The following RNF14 variants were observed in gnomAD, a reference collection of about 807,000 sequenced individuals.
RNF14 encodes ring finger protein 14, also known as E3 ubiquitin-protein ligase RNF14.
In RNF14, 26 loss-of-function variants were observed where a neutral mutation model predicts 52.6. The ratio of observed to expected loss-of-function variants is 0.49; its 90% confidence interval spans 0.36 to 0.69. The LOEUF (loss-of-function observed/expected upper bound fraction) is 0.69, where lower values mean the gene tolerates loss of function less well. Ranked by LOEUF, RNF14 falls within the 30% of genes least tolerant of loss-of-function variation. The pLI is 0.00. For synonymous variants in RNF14, 194 were observed against 202.0 expected (o/e 0.96, Z 0.34); for missense variants, 404 against 560.4 (o/e 0.72, Z 2.82).
upstream of RNF14, chr5:141,957,368 G>T: frequency 6.2e-7 from 1 of 1,613,856 alleles, no homozygotes; most frequent in South Asian, 1.1e-5. This position sits in a 1 kb window ranked among gnomAD's most constrained non-coding sequence, Gnocchi z 4.3. Context: ...CCTGTGTCTG[G>T]GTCAAGAGCT....
At chr5:141,966,255 C>G (rs1353577759), upstream of RNF14, among the ~76,000 whole-genome samples, 1 of 152,172 alleles carries the variant, frequency 6.6e-6, no homozygotes, top group African/African-American at 2.4e-5. Context: ...CCACTGCACT[C>G]TAGCCTGGGT....
intron 8 of RNF14, among the ~76,000 whole-genome samples, chr5:141,986,455 G>A (rs252103): frequency 0.98 from 149,701 of 152,344 alleles, 73,576 homozygotes; most frequent in East Asian, 1. Flanking sequence ...TGAGCATGTA[G>A]TAGTAATAAT....
At chr5:141,958,167 C>T, upstream of RNF14, 1 of 323,308 alleles carries the variant, frequency 3.1e-6, no homozygotes, top group Non-Finnish European at 5.7e-6. Flanking sequence ...CCCAGTTGAG[C>T]AGGATGTGGG....
At chr5:141,971,985 T>A (rs1432090347) in intron 2 of RNF14, among the ~76,000 whole-genome samples, 2 of 152,178 alleles carry the variant, frequency 1.3e-5, no homozygotes, top group Non-Finnish European at 2.9e-5. Context: ...AAAATAATGG[T>A]AAATCTTTCT....
the RNF14 span, chr5:141,952,558 AG>A: frequency 6.6e-6 from 1 of 152,234 alleles, no homozygotes. Context: ...AGAATGGAGT[AG>A]GGGATGGGTG....
intron 2 of RNF14, among the ~76,000 whole-genome samples, chr5:141,972,236 A>ATT (rs5871798): frequency 0.024 from 3,558 of 149,038 alleles, 65 homozygotes; most frequent in Admixed American, 0.035. Context: ...ATTTGGAGAT[A>ATT]TTTTTTTTTT....
At chr5:141,987,186 G>A (rs1282305746) in intron 8 of RNF14, among the ~76,000 whole-genome samples, 1 of 152,134 alleles carries the variant, frequency 6.6e-6, no homozygotes, top group Admixed American at 6.6e-5. Flanking sequence ...TGAGGGAGGG[G>A]GGTATGACCA....
intron 7 of RNF14, among the ~76,000 whole-genome samples, chr5:141,984,366 G>A (rs1324909922): frequency 6.6e-6 from 1 of 152,096 alleles, no homozygotes; most frequent in African/African-American, 2.4e-5. Flanking sequence ...CCAAAGTGCT[G>A]GGATTACAGG....
At position 141,987,901 on chromosome 5, in the gene RNF14, T is replaced by C. The variant is rs1465650456; in HGVS notation, c.*111T>C. 5.2e-6 allele frequency: 5 copies of C among 964,582 alleles called. No homozygotes were observed. In the African/African-American group the frequency reaches 8.1e-5, roughly 16 times the overall value. The allele number at this position is 964,582 out of a possible 1,614,324, so 59.8% of individuals were successfully genotyped here. On this transcript the variant is annotated 3_prime_UTR_variant, in exon 9 of 9. Transcript: ENST00000394520. The stretch of plus-strand genomic sequence containing the variant: ...GTACTATTCATTCACTCTTCCTGCG[T>C]AGAAGATATGGAAGAACGAGGTTTA...
chr5:141,949,822 G>C, the RNF14 span, among the ~76,000 whole-genome samples: 1 of 152,308 alleles, frequency 6.6e-6, no homozygotes, highest in East Asian at 1.9e-4. Flanking sequence ...GGTAAAATGA[G>C]ACGTTGTAGG....
intron 2 of RNF14, among the ~76,000 whole-genome samples, chr5:141,972,797 G>T (rs781640696): frequency 2.0e-5 from 3 of 152,046 alleles, no homozygotes; most frequent in Non-Finnish European, 2.9e-5. Flanking sequence ...CACCACGTTG[G>T]CCAGGCTGGT....
chr5:141,983,297 G>A, intron 6 of RNF14, 83 bp from the exon 7 acceptor site: 1 of 1,086,424 alleles, frequency 9.2e-7, no homozygotes, highest in South Asian at 1.4e-5. Flanking sequence ...TTATTGAATA[G>A]TCGAAGATTA....
chr5:141,954,887 G>A, upstream of RNF14: 1 of 1,488,700 alleles, frequency 6.7e-7, no homozygotes, highest in Non-Finnish European at 9.0e-7. Context: ...AGAAACATGA[G>A]GACTGTGCAG....
chr5:141,974,166 C>T (rs1352862226), intron 3 of RNF14, among the ~76,000 whole-genome samples: 1 of 152,186 alleles, frequency 6.6e-6, no homozygotes, highest in Admixed American at 6.5e-5. Flanking sequence ...TGACCTTTTG[C>T]TTCAGAAAAA....
chr5:141,954,983 G>T, upstream of RNF14: 1 of 1,612,060 alleles, frequency 6.2e-7, no homozygotes, highest in South Asian at 1.1e-5. Context: ...TGAACAGGAG[G>T]AGAATCCACA....
chr5:141,970,109 G>A (rs532712130), intron 1 of RNF14, among the ~76,000 whole-genome samples: 1 of 152,240 alleles, frequency 6.6e-6, no homozygotes, highest in East Asian at 1.9e-4. Context: ...TAGTATTTTT[G>A]CATATAATTT....
At chr5:141,961,220 GTGTC>G (rs1362567587) in intron 1 of RNF14, among the ~76,000 whole-genome samples, 1 of 152,186 alleles carries the variant, frequency 6.6e-6, no homozygotes, top group Non-Finnish European at 1.5e-5. Context: ...GTGTGTGTGT[GTGTC>G]TGTGTTTTGA....
At chr5:141,974,673 TAGAA>T in intron 3 of RNF14, 127 bp from the exon 4 acceptor site, 1 of 809,580 alleles carries the variant, frequency 1.2e-6, no homozygotes, top group Non-Finnish European at 1.9e-6. Context: ...AATTAAGAAA[TAGAA>T]AGTGCTTTGG....
rs2127074864 is a variant in RNF14, at chr5:141,989,165, T to C, written c.*1375T>C. The C allele has an allele frequency of 1.3e-5, 2 of 152,382 alleles. No individual in the cohort carries two copies. The highest frequency in any genetic ancestry group is 4.1e-4 in the South Asian group (2 of 4,828). The allele number at this position is 152,382 out of a possible 1,614,324, so 9.4% of individuals were successfully genotyped here. ...TGCTTAGTCTTAAAATAAAAATAAA[T>C]TTAAAAATCATCTTATAATTAGAAC... On this transcript the variant is annotated 3_prime_UTR_variant, in exon 9 of 9. Coordinates refer to ENST00000394520, the MANE Select transcript of RNF14 (RefSeq NM_004290.5).
Sources: allele counts gnomAD v4.1 joint callset (sites outside exome capture counted in the v4.1 genomes callset), GRCh38; gene constraint gnomAD v4.1.1; non-coding constraint Gnocchi (gnomAD v3.1); transcripts MANE v1.5; gene names NCBI Gene and HGNC (gene_info 2026-07-23, HGNC 2026-07-21).